Variants in OTOF observed in about 807,000 individuals in gnomAD.
OTOF encodes fer-1-like family member 2.
A neutral mutation model predicts 236.8 loss-of-function variants in OTOF; 218 were observed. The ratio of observed to expected loss-of-function variants is 0.92; its 90% CI spans 0.82 to 1.03. The LOEUF (loss-of-function observed/expected upper bound fraction) is 1.03, where lower values mean the gene tolerates loss of function less well. Among genes scored for constraint, OTOF ranks in the 50% least tolerant of loss-of-function variants. The pLI is 0.00. For missense variants in OTOF, 2,590 were observed against 2,694.4 expected, an observed-to-expected ratio of 0.96 and a Z score of 0.86; for synonymous variants, 1,041 against 1,072.5, an observed-to-expected ratio of 0.97 and a Z score of 0.57.
chr2:26,483,630 C>T lies in OTOF; in HGVS notation c.1224G>A (p.Glu408=). 1.2e-6 allele frequency: 2 copies of T among 1,612,518 alleles called. No homozygotes were observed. The highest frequency in any genetic ancestry group is 1.1e-5 in the South Asian group (1 of 91,018). ...DDIEGNLLLP[E]GVPPERQWAR... ...CCCACTGGCGTTCGGGGGGCACCCC[C>T]TCGGGGAGCAGCAAGTTCCTGCCAG... The change falls in exon 13 of 47, where the codon GAG becomes GAA. Residue 408 remains glutamate (E), a synonymous_variant. Coordinates refer to ENST00000272371, the MANE Select transcript of OTOF (RefSeq NM_194248.3).
In OTOF at chr2:26,473,536, C is replaced by A; in HGVS notation, c.3440G>T (p.Arg1147Leu). The stretch of plus-strand genomic sequence containing the variant: ...CCGGTCCACCTGGGCCAGGTTCACC[C>A]GCTTTAGGTCCCGTAGGCCCCAGAA... ...VLFWGLRDLK[R>L]VNLAQVDRPR... The change falls in exon 28 of 47, where the codon CGG becomes CTG. Residue 1147 changes from arginine to leucine, a missense_variant. Arg to Leu is a moderately radical substitution (Grantham distance 102). Coordinates refer to ENST00000272371, the MANE Select transcript of OTOF (RefSeq NM_194248.3). The surrounding 1 kb of genome is among the most constrained non-coding windows in gnomAD (Gnocchi z 7.2). 1 of 1,611,016 alleles carries A rather than the reference C, an allele frequency of 6.2e-7. No homozygotes were observed.
intron 2 of OTOF, among the ~76,000 whole-genome samples, chr2:26,531,808 AG>A (rs1381392092): frequency 1.3e-5 from 2 of 152,082 alleles, no homozygotes; most frequent in African/African-American, 4.8e-5. Flanking sequence ...ATTGAAGGAA[AG>A]GGGGCTGGGG....
intron 11 of OTOF, among the ~76,000 whole-genome samples, chr2:26,486,328 T>G: frequency 1.7e-5 from 2 of 115,218 alleles, no homozygotes; most frequent in Non-Finnish European, 1.7e-5. Flanking sequence ...GTGGATGGAT[T>G]CACGGATGGG....
chr2:26,466,122 T>G (rs780813841), intron 36 of OTOF, 46 bp from the exon 37 acceptor site: 1 of 1,612,578 alleles, frequency 6.2e-7, no homozygotes, highest in South Asian at 1.1e-5. Flanking sequence ...CATGCCCTGC[T>G]CATCTTCAGT....
At position 26,473,156 on chromosome 2, in the gene OTOF, A is replaced by G. The variant is rs1665077650; in HGVS notation, c.3709T>C (p.Ser1237Pro). ...RRFIYRPPDR[S>P]APSWNTTVRL... ...CCCGTGGTGTTCCAGCTGGGGGCCG[A>G]GCGGTCTGGGGGCCGGTAGATGAAG... Residue 1237 changes from serine to proline, a missense_variant, in exon 29 of 47, where the codon TCG becomes CCG. This residue lies in a region of OTOF where 1,211 missense variants were observed against 1,352.8 expected (regional missense o/e 0.90). Transcript: ENST00000272371. The surrounding 1 kb of genome is among the most constrained non-coding windows in gnomAD (Gnocchi z 7.2). 5 of 1,612,520 alleles carry G rather than the reference A, an allele frequency of 3.1e-6. No individual in the cohort carries two copies. The East Asian group carries it at 1.1e-4, about 36-fold the overall frequency.
At chr2:26,465,866 G>A (rs1156277135) in intron 37 of OTOF, 24 bp from the exon 38 acceptor site, 3 of 1,614,224 alleles carry the variant, frequency 1.9e-6, no homozygotes. Flanking sequence ...GTTAGGAGAA[G>A]GGCTTAAGGA....
Position 26,467,153 on chromosome 2 carries a change from G to A in OTOF, c.4308C>T (p.Thr1436=), listed in dbSNP as rs558685914. ...LHTFNLLRGK[T]GDDEDGSTEE... is the part of the protein sequence containing the mutation. ...CGGTGGAGCCATCCTCATCATCCCC[G>A]GTCTTGCCCCGAAGCAAGTTGAAAG... Residue 1436 remains threonine, a synonymous_variant, in exon 35 of 47, where the codon ACC becomes ACT. Transcript: ENST00000272371. The A allele has an allele frequency of 3.1e-6, 5 of 1,614,028 alleles. No homozygotes were observed. The highest frequency in any genetic ancestry group is 1.7e-5 in the Admixed American group (1 of 60,018).
At chr2:26,484,437 G>A (rs780030124) in intron 12 of OTOF, 37 bp downstream of exon 12, 140 of 1,612,276 alleles carry the variant, frequency 8.7e-5, no homozygotes, top group Non-Finnish European at 1.2e-4. Flanking sequence ...AGGAAGGGCT[G>A]GCTCAGACTC....
rs201996175 is a variant in OTOF at position 26,466,780 on chromosome 2, G to A, written c.4434C>T (p.Tyr1478=). 29 of 1,614,228 alleles carry A rather than the reference G, an allele frequency of 1.8e-5. No homozygotes were observed. The highest frequency in any genetic ancestry group is 1.6e-4 in the Middle Eastern group (1 of 6,062). ...TGCTCGGGATGCCCTGGAACATGCC[G>A]TAGGTGGAGTCGTAGCCGGCTTCCC... ...VSREAGYDST[Y]GMFQGIPSND... Residue 1478 remains tyrosine (Y), a synonymous_variant, in exon 36 of 47, where the codon TAC becomes TAT. Coordinates refer to ENST00000272371, the MANE Select transcript of OTOF (RefSeq NM_194248.3).
In OTOF at chr2:26,460,190, G is replaced by A. The variant is rs151005752; in HGVS notation, c.5829C>T (p.Ser1943=). 115 of 1,604,144 alleles carry A rather than the reference G, an allele frequency of 7.2e-5. No individual in the cohort carries two copies. The African/African-American group carries it at 1.5e-3, about 21-fold the overall frequency. Residue 1943 remains serine (S), a synonymous_variant, in exon 46 of 47, where the codon AGC becomes AGT. Transcript: ENST00000272371. The surrounding 1 kb of genome is among the most constrained non-coding windows in gnomAD (Gnocchi z 5.3). ...TGAGAGGGTTCAGGAACCAGATGAA[G>A]CTCGTGTCGGGCCGGCTGGAGTATG... ...PLEKPNRPDT[S]FIWFLNPLKS...
At chr2:26,482,678 C>T (rs1027977351) in intron 13 of OTOF, 86 bp from the exon 14 acceptor site, 56 of 1,098,518 alleles carry the variant, frequency 5.1e-5, no homozygotes, top group Non-Finnish European at 6.3e-5. Context: ...CGCATGTGTG[C>T]GTGAGTGGGC....
intron 5 of OTOF, among the ~76,000 whole-genome samples, chr2:26,508,901 C>T (rs772156460): frequency 1.3e-5 from 2 of 152,088 alleles, no homozygotes; most frequent in Non-Finnish European, 2.9e-5. Flanking sequence ...TTCAATAGTC[C>T]TATTGCTCTA....
At chr2:26,527,194 T>G (rs1666827832) in intron 3 of OTOF, among the ~76,000 whole-genome samples, 1 of 152,244 alleles carries the variant, frequency 6.6e-6, no homozygotes, top group Admixed American at 6.5e-5. Context: ...CCTAATTCAG[T>G]ACCTGATACA....
intron 1 of OTOF, among the ~76,000 whole-genome samples, chr2:26,546,401 C>T (rs1667333840): frequency 6.6e-6 from 1 of 151,182 alleles, no homozygotes; most frequent in African/African-American, 2.4e-5. Context: ...GTGGAGGTTG[C>T]AGTGAGCTGA....
At chr2:26,490,444 A>G (rs1253732163) in intron 9 of OTOF, among the ~76,000 whole-genome samples, 1 of 152,230 alleles carries the variant, frequency 6.6e-6, no homozygotes, top group Non-Finnish European at 1.5e-5. Context: ...GTGGGCTGCC[A>G]TGCACATTTG....
chr2:26,557,943 G>A (rs189189358), intron 1 of OTOF, among the ~76,000 whole-genome samples: 203 of 152,044 alleles, frequency 1.3e-3, no homozygotes, highest in African/African-American at 4.6e-3. Context: ...GAGTGAAAAG[G>A]ATGAGAAAAG....
In OTOF at chr2:26,460,223, G is replaced by C; in HGVS notation, c.5814-18C>G. On this transcript the variant is annotated intron_variant, in intron 45 of 46. Coordinates refer to ENST00000272371, the MANE Select transcript of OTOF (RefSeq NM_194248.3). This position sits in a 1 kb window ranked among gnomAD's most constrained non-coding sequence, Gnocchi z 5.3. ...CGGGCCGGCTGGAGTATGAAGGGTA[G>C]AGAGCGCAGAGGAGGGACAGGGAGG... 6.3e-7 allele frequency: 1 copy of C among 1,589,086 alleles called. No individual in the cohort carries two copies. The highest frequency in any genetic ancestry group is 8.6e-7 in the Non-Finnish European group (1 of 1,166,990).
chr2:26,475,582 A>G, intron 24 of OTOF, 89 bp from the exon 25 acceptor site: 1 of 1,432,446 alleles, frequency 7.0e-7, no homozygotes, highest in Non-Finnish European at 9.8e-7. Flanking sequence ...CTCAGCTTCC[A>G]CGGAACCTGG....
At chr2:26,497,537 C>T (rs2148074636) in intron 8 of OTOF, among the ~76,000 whole-genome samples, 1 of 152,300 alleles carries the variant, frequency 6.6e-6, no homozygotes, top group African/African-American at 2.4e-5. Flanking sequence ...AGAATAACCA[C>T]TAAAATGATC....
Sources: gnomAD v4.1 joint callset for allele counts (sites outside exome capture counted in the v4.1 genomes callset) on GRCh38, gnomAD v4.1.1 for gene constraint, gnomAD v4.1.1 regional missense constraint, Gnocchi (gnomAD v3.1) non-coding constraint, MANE v1.5 for transcripts, NCBI Gene and HGNC (gene_info 2026-07-23, HGNC 2026-07-21) for gene names.